Variants in ACADL observed in about 807,000 individuals in gnomAD.
ACADL encodes long-chain specific acyl-CoA dehydrogenase, mitochondrial.
Under a neutral mutation model 56.9 loss-of-function variants are expected in ACADL, and 60 were observed. That is an observed-to-expected ratio of 1.05 (90% CI 0.86 to 1.31). The LOEUF is 1.31. ACADL is among the 50% of genes most tolerant of loss of function. The pLI, the probability that ACADL is intolerant of heterozygous loss-of-function variation, is 0.00. For synonymous variants in ACADL, 158 were observed against 179.7 expected (o/e 0.88, Z 0.97); for missense variants, 484 against 525.5 (o/e 0.92, Z 0.77).
At position 210,204,683 on chromosome 2, in the gene ACADL, C is replaced by T. The variant is rs1688855592; in HGVS notation, c.769-1G>A. On this transcript the variant is annotated splice_acceptor_variant, in intron 6 of 10. Transcript: ENST00000233710. LOFTEE classifies it high-confidence loss of function. Reference sequence around the variant, plus strand: ...CTTCAAAGAATAGTTCTGCGGTATCCTAAGAGACCATACAAAAAATGTAGA... The same window carrying T: ...CTTCAAAGAATAGTTCTGCGGTATCTTAAGAGACCATACAAAAAATGTAGA... 6.3e-7 allele frequency: 1 copy of T among 1,595,108 alleles called. No individual in the cohort carries two copies. Among genetic ancestry groups the T allele is most frequent in the Non-Finnish European group, 8.6e-7 (1 of 1,163,200 alleles).
intron 1 of ACADL, among the ~76,000 whole-genome samples, chr2:210,222,467 G>C (rs541184645): frequency 6.7e-6 from 1 of 149,268 alleles, no homozygotes; most frequent in South Asian, 2.1e-4. Context: ...AACCAGTCTG[G>C]GCAACATAGT....
At chr2:210,204,746 T>C in intron 6 of ACADL, 64 bp from the exon 7 acceptor site, 1 of 1,271,178 alleles carries the variant, frequency 7.9e-7, no homozygotes, top group Non-Finnish European at 1.1e-6. Context: ...ACCCAGTGAA[T>C]ATTGAAGTGA....
Position 210,212,335 on chromosome 2 carries a change from A to G in ACADL, c.537-2073T>C, listed in dbSNP as rs142335657. Among the ~76,000 whole-genome samples, 19 of 152,290 alleles carry G rather than the reference A, an allele frequency of 1.2e-4. No individual in the cohort carries two copies. In the East Asian group the frequency reaches 2.5e-3, roughly 20 times the overall value. ...ATGCAAACATGAATGTCCTTATAAA[A>G]GAGAGGTAAAGAGAGATTTCATAGA... On this transcript the variant is annotated intron_variant, in intron 4 of 10. Coordinates refer to ENST00000233710, the MANE Select transcript of ACADL (RefSeq NM_001608.4).
intron 3 of ACADL, chr2:210,217,430 T>G (rs1051630210): frequency 2.6e-5 from 4 of 154,908 alleles, no homozygotes; most frequent in African/African-American, 9.6e-5. Context: ...GGTATTAGGA[T>G]TTTTCATTTT....
Position 210,188,484 on chromosome 2 carries a change from G to C in ACADL, c.*477C>G, listed in dbSNP as rs1320790455. The C allele has an allele frequency of 6.3e-6, 1 of 159,308 alleles. No homozygotes were observed. The highest frequency in any genetic ancestry group is 6.2e-5 in the Admixed American group (1 of 16,258). 9.9% of individuals were successfully genotyped at this position (159,308 alleles called of 1,614,324 possible). A position where few individuals can be genotyped will look rare whatever the true frequency, so the allele number is the denominator to read the frequency against. On this transcript the variant is annotated 3_prime_UTR_variant, in exon 11 of 11. Transcript: ENST00000233710. ...AAGAGTTCCATTGCTTAAAAACGGG[G>C]TTGGAGTACAGTGGTAAAAACCACT...
intron 9 of ACADL, among the ~76,000 whole-genome samples, chr2:210,193,728 G>C (rs572703874): frequency 1.9e-4 from 29 of 152,108 alleles, no homozygotes; most frequent in African/African-American, 7.0e-4. Context: ...TTGGGATACA[G>C]TGGCACAATC....
At position 210,222,531 on chromosome 2, in the gene ACADL, GA is replaced by G. The variant is rs916888948; in HGVS notation, c.78-1730del. On this transcript the variant is annotated intron_variant, in intron 1 of 10. Transcript: ENST00000233710. ...AACAAAAAAAAAAAAAAAAGGAAAAGAAAAAAAAGTGCTGCAGTCAGGGTAG... is the reference window on the plus strand; with the variant it reads ...AACAAAAAAAAAAAAAAAAGGAAAAGAAAAAAAGTGCTGCAGTCAGGGTAG... Among the ~76,000 whole-genome samples the G allele has an allele frequency of 9.5e-5, 14 of 146,916 alleles. No individual in the cohort carries two copies. In the South Asian group the frequency reaches 2.4e-3, roughly 25 times the overall value.
chr2:210,218,032 T>G lies in ACADL; in HGVS notation c.304A>C (p.Asn102His), dbSNP rs764515227. The G allele has an allele frequency of 1.2e-6, 2 of 1,614,090 alleles. No individual in the cohort carries two copies. The highest frequency in any genetic ancestry group is 2.2e-5 in the South Asian group (2 of 91,082). Residue 102 changes from asparagine to histidine, a missense_variant, in exon 3 of 11, where the codon AAT (asparagine) becomes CAT (histidine). By Grantham distance (68) the Asn-to-His change is moderately conservative. Transcript: ENST00000233710. ...ATTCCACCAAGATGCTCTGCAATAT[T>G]GACACCAAGCAGTCCTTGTTTTCCA... ...KAGKQGLLGV[N>H]IAEHLGGIGG... is the part of the protein sequence containing the mutation.
At chr2:210,205,827 C>A (rs780716454) in intron 5 of ACADL, 31 bp from the exon 6 acceptor site, 1 of 1,611,640 alleles carries the variant, frequency 6.2e-7, no homozygotes, top group Non-Finnish European at 8.5e-7. Context: ...TATTAATGCA[C>A]CATGATAATT....
chr2:210,207,590 G>T (rs1471959216), intron 5 of ACADL, among the ~76,000 whole-genome samples: 2 of 152,118 alleles, frequency 1.3e-5, no homozygotes, highest in African/African-American at 2.4e-5. Flanking sequence ...AATTCTCCAG[G>T]CTGGGTTAAG....
intron 10 of ACADL, among the ~76,000 whole-genome samples, chr2:210,191,726 T>G (rs1328765167): frequency 6.6e-6 from 1 of 152,170 alleles, no homozygotes; most frequent in Non-Finnish European, 1.5e-5. Flanking sequence ...TCTTAAAACA[T>G]TTTTAGAAGC....
chr2:210,225,371 G>A lies in ACADL; in HGVS notation c.-108C>T. ...ACGATCAGCTGAGGCGTCCACCTGT[G>A]GTGTCCTCCCAAAAAAGCGCTCGCG... On this transcript the variant is annotated 5_prime_UTR_variant, in exon 1 of 11. Coordinates refer to ENST00000233710, the MANE Select transcript of ACADL (RefSeq NM_001608.4). The A allele has an allele frequency of 7.7e-7, 1 of 1,297,032 alleles. No homozygotes were observed. Among genetic ancestry groups the A allele is most frequent in the Non-Finnish European group, 1.0e-6 (1 of 957,254 alleles). 80.3% of individuals were successfully genotyped at this position (1,297,032 alleles called of 1,614,324 possible). A position where few individuals can be genotyped will look rare whatever the true frequency, so the allele number is the denominator to read the frequency against.
chr2:210,195,188 T>G (rs773030225), intron 9 of ACADL, 23 bp downstream of exon 9: 1 of 1,613,656 alleles, frequency 6.2e-7, no homozygotes, highest in South Asian at 1.1e-5. Flanking sequence ...CACACCGCAC[T>G]CTAATTACTG....
Position 210,220,780 on chromosome 2 carries a change from C to T in ACADL, c.100G>A (p.Glu34Lys). The T allele has an allele frequency of 6.2e-7, 1 of 1,609,412 alleles. No individual in the cohort carries two copies. Among genetic ancestry groups the T allele is most frequent in the Non-Finnish European group, 8.5e-7 (1 of 1,177,730 alleles). ...AARCSHSGGE[E>K]RLETPSAKKL... The stretch of plus-strand genomic sequence containing the variant: ...TTAGCAGAAGGAGTTTCTAGACGTT[C>T]TTCCCCTCCGGAATGAGAACATCTT... Residue 34 changes from glutamate (E) to lysine (K), a missense_variant, in exon 2 of 11, where the codon GAA (glutamate) becomes AAA (lysine). Glu to Lys is a moderately conservative substitution (Grantham distance 56, BLOSUM62 1). Coordinates refer to ENST00000233710, the MANE Select transcript of ACADL (RefSeq NM_001608.4).
At position 210,204,582 on chromosome 2, in the gene ACADL, T is replaced by A; in HGVS notation, c.869A>T (p.Gln290Leu). Residue 290 changes from glutamine (Q) to leucine (L), a missense_variant and splice_region_variant, in exon 7 of 11, where the codon CAG becomes CTG. Gln to Leu is a moderately radical substitution (Grantham distance 113). Coordinates refer to ENST00000233710, the MANE Select transcript of ACADL (RefSeq NM_001608.4). ...GFYYIMKELP[Q>L]ERLLIADVAI... ...ATGGAATCTTTAAACACTTCTGACC[T>A]GTGGAAGCTCTTTCATGATGTAATA... 1 of 1,589,718 alleles carries A rather than the reference T, an allele frequency of 6.3e-7. No homozygotes were observed. Among genetic ancestry groups the A allele is most frequent in the Non-Finnish European group, 8.6e-7 (1 of 1,158,130 alleles).
At chr2:210,190,933 T>A (rs550340275) in intron 10 of ACADL, among the ~76,000 whole-genome samples, 69 of 151,274 alleles carry the variant, frequency 4.6e-4, no homozygotes, top group African/African-American at 1.6e-3. Context: ...GTTTTTTTTT[T>A]TTTGAGACAG....
chr2:210,220,842 T>C, intron 1 of ACADL, 40 bp from the exon 2 acceptor site: 1 of 1,479,624 alleles, frequency 6.8e-7, no homozygotes, highest in Non-Finnish European at 9.2e-7. Flanking sequence ...GTAAGTGAAT[T>C]GTTACTCTTC....
At chr2:210,196,260 C>A (rs1688709136) in intron 8 of ACADL, among the ~76,000 whole-genome samples, 1 of 31,634 alleles carries the variant, frequency 3.2e-5, no homozygotes, top group African/African-American at 1.1e-4. Flanking sequence ...GTCCATTAAA[C>A]CTCTTTTTTT....
rs1272217251 is a variant in ACADL at position 210,199,527 on chromosome 2, C to A, written c.984+3804G>T. Among the ~76,000 whole-genome samples, 5 of 151,818 alleles carry A rather than the reference C, an allele frequency of 3.3e-5. No individual in the cohort carries two copies. The Middle Eastern group carries it at 0.014, about 413-fold the overall frequency. ...TCCCCTATGAGAAAACAATATGGAC[C>A]ACTTTCCTATTTCCTTCATGGTTAA... On this transcript the variant is annotated intron_variant, in intron 8 of 10. Coordinates refer to ENST00000233710, the MANE Select transcript of ACADL (RefSeq NM_001608.4).
Sources: gnomAD v4.1 joint callset for allele counts (sites outside exome capture counted in the v4.1 genomes callset) on GRCh38, gnomAD v4.1.1 for gene constraint, MANE v1.5 for transcripts, NCBI Gene and HGNC (gene_info 2026-07-23, HGNC 2026-07-21) for gene names.